Variants in CDC42BPB observed in about 807,000 individuals in gnomAD.
CDC42BPB encodes CDC42 binding protein kinase beta.
A neutral mutation model predicts 214.9 loss-of-function variants in CDC42BPB; 37 were observed. The ratio of observed to expected loss-of-function variants is 0.17; its 90% CI spans 0.13 to 0.23. The LOEUF (loss-of-function observed/expected upper bound fraction) is 0.23. Among genes scored for constraint, CDC42BPB ranks in the 10% least tolerant of loss-of-function variants. The probability of loss-of-function intolerance (pLI) is 1.00; values close to 1 mark genes in which losing one functional copy is unlikely to be tolerated. For synonymous variants in CDC42BPB, 931 were observed against 884.0 expected, an observed-to-expected ratio of 1.05 and a Z score of -0.94; for missense variants, 1,694 against 2,227.0, an observed-to-expected ratio of 0.76 and a Z score of 4.82.
Position 102,987,064 on chromosome 14 carries a change from A to C in CDC42BPB, c.597-484T>G, listed in dbSNP as rs61386159. Among the ~76,000 whole-genome samples the C allele has an allele frequency of 1.2e-4, 18 of 152,354 alleles. No individual in the cohort carries two copies. In the East Asian group the frequency reaches 3.5e-3, roughly 29 times the overall value. On this transcript the variant is annotated intron_variant, in intron 5 of 36. Coordinates refer to ENST00000361246, the MANE Select transcript of CDC42BPB (RefSeq NM_006035.4). Reference sequence around the variant, plus strand: ...AGGGACAGAGGGACACGTGTGGAGGAAGCTGGCTGGGGGCTGCCACACAAA... The same window carrying C: ...AGGGACAGAGGGACACGTGTGGAGGCAGCTGGCTGGGGGCTGCCACACAAA...
Position 102,999,683 on chromosome 14 carries a change from C to T in CDC42BPB, c.478G>A (p.Asp160Asn). Residue 160 changes from aspartate to asparagine, a missense_variant, in exon 5 of 37, where the codon GAT (aspartate) becomes AAT (asparagine). Around this residue, in one of 7 missense-constraint regions of CDC42BPB, gnomAD observed 225 missense variants for 459.3 expected, o/e 0.49. Transcript: ENST00000361246. ...YLVMDYYVGG[D>N]LLTLLSKFED... Reference sequence around the variant, plus strand: ...AATTTGCTGAGCAGGGTCAGTAAATCACCACCCACATAGTAATCCATGACT... The same window carrying T: ...AATTTGCTGAGCAGGGTCAGTAAATTACCACCCACATAGTAATCCATGACT... 1 of 1,614,156 alleles carries T rather than the reference C, an allele frequency of 6.2e-7. No individual in the cohort carries two copies. The highest frequency in any genetic ancestry group is 8.5e-7 in the Non-Finnish European group (1 of 1,180,020).
intron 6 of CDC42BPB, among the ~76,000 whole-genome samples, chr14:102,984,602 G>A (rs1340157715): frequency 6.6e-6 from 1 of 152,062 alleles, no homozygotes; most frequent in Non-Finnish European, 1.5e-5. Context: ...GCGAGGGCAC[G>A]GGCCACCTCA....
Sources: allele counts gnomAD v4.1 joint callset (sites outside exome capture counted in the v4.1 genomes callset), GRCh38; gene constraint gnomAD v4.1.1; regional missense constraint gnomAD v4.1.1; transcripts MANE v1.5; gene names NCBI Gene and HGNC (gene_info 2026-07-23, HGNC 2026-07-21).